The following GRIK3 variants were observed in gnomAD, a reference collection of about 807,000 sequenced individuals.
The protein encoded by GRIK3 is glutamate ionotropic receptor kainate type subunit 3.
A neutral mutation model predicts 102.5 loss-of-function variants in GRIK3; 29 were observed. The observed-to-expected ratio is 0.28, with a 90% CI of 0.21 to 0.39. GRIK3 has a LOEUF of 0.39. GRIK3 is among the 10% of genes least tolerant of loss of function. GRIK3 has a pLI of 1.00. For synonymous variants in GRIK3, 511 were observed against 504.9 expected (o/e 1.01, Z -0.16); for missense variants, 908 against 1,252.4 (o/e 0.73, Z 4.15).
intron 12 of GRIK3, among the ~76,000 whole-genome samples, chr1:36,818,733 C>T (rs764037814): frequency 1.3e-5 from 2 of 152,248 alleles, no homozygotes; most frequent in Non-Finnish European, 2.9e-5. Context: ...TTGGTGTTTA[C>T]TGATGGATAT....
chr1:36,815,461 C>T (rs1642616313), intron 13 of GRIK3, among the ~76,000 whole-genome samples: 1 of 152,222 alleles, frequency 6.6e-6, no homozygotes, highest in Admixed American at 6.5e-5. Context: ...GAGGCAGCGG[C>T]TGGGAGATGG....
At chr1:36,944,037 G>A (rs1184830999) in intron 1 of GRIK3, among the ~76,000 whole-genome samples, 2 of 152,214 alleles carry the variant, frequency 1.3e-5, no homozygotes, top group African/African-American at 2.4e-5. Context: ...CTCTTGACCA[G>A]CTCAGGACAT....
intron 1 of GRIK3, among the ~76,000 whole-genome samples, chr1:36,976,323 C>G (rs1353958631): frequency 6.6e-6 from 1 of 152,208 alleles, no homozygotes; most frequent in Non-Finnish European, 1.5e-5. Flanking sequence ...TACAGGGCAT[C>G]TACGACTTCT....
chr1:36,963,754 A>C (rs1470173298), intron 1 of GRIK3, among the ~76,000 whole-genome samples: 2 of 152,086 alleles, frequency 1.3e-5, no homozygotes, highest in Non-Finnish European at 2.9e-5. Context: ...CCCCAGTGAG[A>C]TATCCCCCTC....
At chr1:36,879,310 G>A (rs891576648) in intron 3 of GRIK3, among the ~76,000 whole-genome samples, 1 of 152,032 alleles carries the variant, frequency 6.6e-6, no homozygotes, top group African/African-American at 2.4e-5. Flanking sequence ...CCTGGGCAAC[G>A]TAGCCAGAAC....
At chr1:36,923,085 T>C (rs1423043161) in intron 1 of GRIK3, among the ~76,000 whole-genome samples, 2 of 152,180 alleles carry the variant, frequency 1.3e-5, no homozygotes, top group Non-Finnish European at 2.9e-5. Flanking sequence ...GGAGGTGACA[T>C]TGCTCTCCAA....
intron 13 of GRIK3, among the ~76,000 whole-genome samples, chr1:36,816,175 A>G (rs1331233882): frequency 6.6e-6 from 1 of 152,178 alleles, no homozygotes; most frequent in African/African-American, 2.4e-5. Context: ...CCAGCTGGGC[A>G]TCCCTGGACA....
chr1:36,960,462 GT>G (rs1641993121), intron 1 of GRIK3, among the ~76,000 whole-genome samples: 1 of 152,242 alleles, frequency 6.6e-6, no homozygotes, highest in South Asian at 2.1e-4. Context: ...GTGAATGGAA[GT>G]TAGAGGCCAG....
chr1:37,001,971 A>G (rs1471967956), intron 1 of GRIK3, among the ~76,000 whole-genome samples: 1 of 152,216 alleles, frequency 6.6e-6, no homozygotes, highest in Non-Finnish European at 1.5e-5. Context: ...CACTAAGTCC[A>G]TCTGTCATTG....
At chr1:36,979,113 G>T (rs1443110609) in intron 1 of GRIK3, among the ~76,000 whole-genome samples, 1 of 152,216 alleles carries the variant, frequency 6.6e-6, no homozygotes, top group Non-Finnish European at 1.5e-5. Flanking sequence ...TACTGATTAT[G>T]GTGACTTCTA....
chr1:37,009,577 A>T (rs1642567308), intron 1 of GRIK3, among the ~76,000 whole-genome samples: 1 of 152,070 alleles, frequency 6.6e-6, no homozygotes, highest in Non-Finnish European at 1.5e-5. Flanking sequence ...CTGAAACGGC[A>T]GTGTGTATGG....
chr1:36,916,649 C>T lies in GRIK3; in HGVS notation c.116-25553G>A, dbSNP rs113255943. Among the ~76,000 whole-genome samples, 828 of 152,282 alleles carry T rather than the reference C, an allele frequency of 5.4e-3. 7 individuals are homozygous for T. The highest frequency in any genetic ancestry group is 0.019 in the African/African-American group (782 of 41,554). ...GTTACACCTCGGGCTGTTGCTTCAA[C>T]GGGTGGAAGCCCCAAGCCTCAGCAG... is the stretch of plus-strand genomic sequence containing the variant. On this transcript the variant is annotated intron_variant, in intron 1 of 15. Coordinates refer to ENST00000373091, the MANE Select transcript of GRIK3 (RefSeq NM_000831.4).
chr1:36,927,940 G>A (rs992052491), intron 1 of GRIK3, among the ~76,000 whole-genome samples: 7 of 152,152 alleles, frequency 4.6e-5, no homozygotes, highest in South Asian at 4.2e-4. Context: ...TTCCGCCTCC[G>A]GAATTGTGTA....
chr1:36,859,360 G>T (rs945705387), intron 6 of GRIK3, 109 bp from the exon 7 acceptor site: 1 of 1,227,180 alleles, frequency 8.1e-7, no homozygotes, highest in African/African-American at 1.5e-5. Flanking sequence ...ATGTCCTGGT[G>T]AGCGAACAGG....
intron 1 of GRIK3, among the ~76,000 whole-genome samples, chr1:36,966,790 A>C (rs1642083847): frequency 6.6e-6 from 1 of 151,820 alleles, no homozygotes. Context: ...TGGCATTCTC[A>C]TACTCATATG....
At chr1:36,962,800 C>G (rs971283423) in intron 1 of GRIK3, among the ~76,000 whole-genome samples, 7 of 148,602 alleles carry the variant, frequency 4.7e-5, no homozygotes, top group Non-Finnish European at 8.9e-5. Flanking sequence ...AGGAGGATAG[C>G]TTGAACCCGG....
chr1:36,998,579 C>T lies in GRIK3; in HGVS notation c.115+35415G>A, dbSNP rs368214094. ...CTTCTTCACTGTGGTCATCACTGAT[C>T]GGACTCCCCATGTGCCAAGCACTGT... On this transcript the variant is annotated intron_variant, in intron 1 of 15. Transcript: ENST00000373091. 3.9e-5 allele frequency among the ~76,000 whole-genome samples: 6 copies of T among 152,338 alleles called. No individual in the cohort carries two copies. The East Asian group carries it at 7.7e-4, about 20-fold the overall frequency.
chr1:36,999,535 C>A (rs865848564), intron 1 of GRIK3, among the ~76,000 whole-genome samples: 4 of 152,068 alleles, frequency 2.6e-5, no homozygotes, highest in Admixed American at 6.5e-5. Flanking sequence ...CCTGAGGCAG[C>A]TGGAAAGGGG....
At chr1:36,929,728 T>C (rs1253481018) in intron 1 of GRIK3, among the ~76,000 whole-genome samples, 1 of 152,244 alleles carries the variant, frequency 6.6e-6, no homozygotes, top group South Asian at 2.1e-4. Context: ...CTATTTATTG[T>C]TGTGTAACAA....
Sources: gnomAD v4.1 joint callset for allele counts (sites outside exome capture counted in the v4.1 genomes callset) on GRCh38, gnomAD v4.1.1 for gene constraint, MANE v1.5 for transcripts, NCBI Gene and HGNC (gene_info 2026-07-23, HGNC 2026-07-21) for gene names.